The following SLCO3A1 variants were observed in gnomAD, a reference collection of about 807,000 sequenced individuals.
SLCO3A1 encodes the protein PGE1 transporter.
SLCO3A1 carries 27 observed loss-of-function variants against 63.1 expected under a neutral mutation model. The observed-to-expected ratio is 0.43, with a 90% CI of 0.32 to 0.59. The LOEUF (loss-of-function observed/expected upper bound fraction) is 0.59. Ranked by LOEUF, SLCO3A1 falls within the 20% of genes least tolerant of loss-of-function variation. The pLI is 0.09. For missense variants in SLCO3A1, 773 were observed against 945.8 expected (o/e 0.82, Z 2.40); for synonymous variants, 473 against 409.9 (o/e 1.15, Z -1.86).
chr15:92,162,482 G>T, intron 9 of SLCO3A1: 1 of 391,220 alleles, frequency 2.6e-6, no homozygotes, highest in East Asian at 4.8e-5. Flanking sequence ...AGTCTTCACA[G>T]CCATCTGGTG....
intron 2 of SLCO3A1, among the ~76,000 whole-genome samples, chr15:92,087,710 G>T (rs1470100157): frequency 6.6e-6 from 1 of 151,748 alleles, no homozygotes; most frequent in Non-Finnish European, 1.5e-5. Flanking sequence ...TAGAGTCGGG[G>T]TTGTCTCCAT....
intron 4 of SLCO3A1, among the ~76,000 whole-genome samples, chr15:92,118,596 A>ATC (rs1227451006): frequency 6.6e-6 from 1 of 152,210 alleles, no homozygotes; most frequent in African/African-American, 2.4e-5. Flanking sequence ...TAGAGGTTTC[A>ATC]TCTCCTACGA....
Position 92,033,981 on chromosome 15 carries a change from G to T in SLCO3A1, c.647-60900G>T, listed in dbSNP as rs976118978. Reference sequence around the variant, plus strand: ...AGGGGGAGGAGCAGAATGAATGGGGGCGCCATGGCAGATCACGTGGAGTCC... The same window carrying T: ...AGGGGGAGGAGCAGAATGAATGGGGTCGCCATGGCAGATCACGTGGAGTCC... On this transcript the variant is annotated intron_variant, in intron 2 of 9. Coordinates refer to ENST00000318445, the MANE Select transcript of SLCO3A1 (RefSeq NM_013272.4). The surrounding 1 kb of genome is among the most constrained non-coding windows in gnomAD (Gnocchi z 4.5). Among the ~76,000 whole-genome samples the T allele has an allele frequency of 1.3e-5, 2 of 152,066 alleles. No individual in the cohort carries two copies. Among genetic ancestry groups the T allele is most frequent in the Admixed American group, 6.5e-5 (1 of 15,270 alleles).
chr15:91,988,818 C>T (rs1484294855), intron 2 of SLCO3A1, among the ~76,000 whole-genome samples: 1 of 152,142 alleles, frequency 6.6e-6, no homozygotes, highest in African/African-American at 2.4e-5. Context: ...CAGCTTTATG[C>T]TTCAGTTTCA....
At chr15:91,957,142 T>TAATATATAGTATATA (rs1357276396) in intron 2 of SLCO3A1, among the ~76,000 whole-genome samples, 24 of 5,402 alleles carry the variant, frequency 4.4e-3, no homozygotes, top group Non-Finnish European at 4.9e-3. Flanking sequence ...ATACTATATA[T>TAATATATAGTATATA]TATAATATAT....
intron 1 of SLCO3A1, among the ~76,000 whole-genome samples, chr15:91,879,689 CA>C (rs1416878635): frequency 6.6e-6 from 1 of 152,134 alleles, no homozygotes; most frequent in African/African-American, 2.4e-5. Flanking sequence ...CTGGTTAATA[CA>C]AATATATAGA....
At chr15:92,106,277 T>C (rs1596106806) in intron 4 of SLCO3A1, among the ~76,000 whole-genome samples, 1 of 152,180 alleles carries the variant, frequency 6.6e-6, no homozygotes, top group Admixed American at 6.5e-5. Context: ...AATGCACCGG[T>C]AGATGAGAAG....
chr15:91,980,481 G>GA (rs1303934390), intron 2 of SLCO3A1, among the ~76,000 whole-genome samples: 2 of 151,636 alleles, frequency 1.3e-5, no homozygotes, highest in Non-Finnish European at 1.5e-5. Flanking sequence ...ATAGAGGGGA[G>GA]AAGGGGGTAC....
At chr15:91,871,765 G>GTTTTTTTTTTTTTTTTTTTTTTTTGTTTT (rs33938693) in intron 1 of SLCO3A1, among the ~76,000 whole-genome samples, 1 of 45,704 alleles carries the variant, frequency 2.2e-5, no homozygotes, top group Non-Finnish European at 3.8e-5. Flanking sequence ...TTTTTTTTTG[G>GTTTTTTTTTTTTTTTTTTTTTTTTGTTTT]TTTTTTTTTT....
At chr15:91,902,463 A>G (rs1898184317) in intron 1 of SLCO3A1, among the ~76,000 whole-genome samples, 1 of 151,406 alleles carries the variant, frequency 6.6e-6, no homozygotes, top group Admixed American at 6.6e-5. Context: ...GCTTGCCCCA[A>G]CCAGCACTAC....
intron 1 of SLCO3A1, among the ~76,000 whole-genome samples, chr15:91,911,620 A>T (rs189631726): frequency 5.3e-5 from 8 of 152,066 alleles, no homozygotes; most frequent in Admixed American, 5.2e-4. Flanking sequence ...ATCTATATCT[A>T]TATAGATATT....
intron 7 of SLCO3A1, among the ~76,000 whole-genome samples, chr15:92,135,214 A>T (rs28433042): frequency 6.6e-6 from 1 of 152,170 alleles, no homozygotes; most frequent in African/African-American, 2.4e-5. Context: ...AGTTGCAGTC[A>T]TGCCTTTCAC....
At position 91,866,251 on chromosome 15, in the gene SLCO3A1, G is replaced by T. The variant is rs190132874; in HGVS notation, c.180+12163G>T. Among the ~76,000 whole-genome samples, 3 of 152,308 alleles carry T rather than the reference G, an allele frequency of 2.0e-5. No individual in the cohort carries two copies. The East Asian group carries it at 5.8e-4, about 29-fold the overall frequency. ...AATCCTAGACAGATATGTGGGTGAG[G>T]AATATGTGTTTGTGTATTTACTGTG... is the stretch of plus-strand genomic sequence containing the variant. On this transcript the variant is annotated intron_variant, in intron 1 of 9. Transcript: ENST00000318445.
intron 2 of SLCO3A1, among the ~76,000 whole-genome samples, chr15:91,944,212 C>G (rs892545000): frequency 1.1e-4 from 15 of 137,234 alleles, no homozygotes; most frequent in African/African-American, 3.2e-4. Context: ...CGTAAGTGTT[C>G]ACCATTATTT....
intron 1 of SLCO3A1, among the ~76,000 whole-genome samples, chr15:91,913,201 CCTTGA>C (rs894986809): frequency 6.6e-6 from 1 of 152,198 alleles, no homozygotes; most frequent in African/African-American, 2.4e-5. Context: ...TGCAAGCTGG[CCTTGA>C]CTTGTCTAGA....
chr15:91,940,844 C>T (rs1899595605), intron 2 of SLCO3A1, among the ~76,000 whole-genome samples: 1 of 152,190 alleles, frequency 6.6e-6, no homozygotes. Flanking sequence ...TGCTGCCTCT[C>T]TGAGCAAGGT....
intron 2 of SLCO3A1, among the ~76,000 whole-genome samples, chr15:91,938,853 T>A (rs1241067090): frequency 6.6e-6 from 1 of 152,118 alleles, no homozygotes; most frequent in Non-Finnish European, 1.5e-5. Flanking sequence ...CCACAGAAGG[T>A]TAATCAGGGG....
chr15:92,162,748 G>A lies in SLCO3A1; in HGVS notation c.1754-8G>A, dbSNP rs201343660. 2 of 1,604,896 alleles carry A rather than the reference G, an allele frequency of 1.2e-6. No individual in the cohort carries two copies. The highest frequency in any genetic ancestry group is 1.7e-6 in the Non-Finnish European group (2 of 1,175,366). On this transcript the variant is annotated splice_region_variant and splice_polypyrimidine_tract_variant and intron_variant, in intron 9 of 9. Coordinates refer to ENST00000318445, the MANE Select transcript of SLCO3A1 (RefSeq NM_013272.4). ...TCCAGAACCTTAACATTCTTTTCCCGGTAACAGGCTTCATCCCTCCACCCC... is the reference window on the plus strand; with the variant it reads ...TCCAGAACCTTAACATTCTTTTCCCAGTAACAGGCTTCATCCCTCCACCCC...
At chr15:92,075,526 C>T (rs909387582) in intron 2 of SLCO3A1, among the ~76,000 whole-genome samples, 13 of 152,224 alleles carry the variant, frequency 8.5e-5, no homozygotes, top group African/African-American at 2.2e-4. Context: ...AGCTCCATTC[C>T]GCTGCAGCTC....
Sources: allele counts gnomAD v4.1 joint callset (sites outside exome capture counted in the v4.1 genomes callset), GRCh38; gene constraint gnomAD v4.1.1; non-coding constraint Gnocchi (gnomAD v3.1); transcripts MANE v1.5; gene names NCBI Gene and HGNC (gene_info 2026-07-23, HGNC 2026-07-21).